DGKB: variants seen among roughly 807,000 people sequenced by gnomAD.
DGKB encodes 90 kDa diacylglycerol kinase.
Under a neutral mutation model 114.3 loss-of-function variants are expected in DGKB, and 67 were observed. The ratio of observed to expected loss-of-function variants is 0.59; its 90% CI spans 0.48 to 0.72. The LOEUF is 0.72. DGKB is among the 30% of genes least tolerant of loss of function. The pLI is 0.00. For missense variants in DGKB, 907 were observed against 975.2 expected, an observed-to-expected ratio of 0.93 and a Z score of 0.93; for synonymous variants, 398 against 323.1, an observed-to-expected ratio of 1.23 and a Z score of -2.49.
chr7:14,703,075 G>A (rs1447919458), intron 6 of DGKB, among the ~76,000 whole-genome samples: 3 of 151,850 alleles, frequency 2.0e-5, no homozygotes, highest in Admixed American at 6.6e-5. Context: ...AATGCAGAAG[G>A]AAACAGCAAC....
In DGKB at chr7:14,158,788, C is replaced by T. The variant is rs557106933; in HGVS notation, c.2305-9550G>A. On this transcript the variant is annotated intron_variant, in intron 25 of 25. Coordinates refer to ENST00000402815, the MANE Select transcript of DGKB (RefSeq NM_001350709.2). ...ATTGTTTTTTCAGGTCCTCCTGTTT[C>T]AAGGTATTGTTTCATCATTTATTCA... Among the ~76,000 whole-genome samples, 7 of 152,208 alleles carry T rather than the reference C, an allele frequency of 4.6e-5. No homozygotes were observed. The South Asian group carries it at 1.5e-3, about 32-fold the overall frequency.
At chr7:14,533,342 C>T (rs1236404994) in intron 20 of DGKB, among the ~76,000 whole-genome samples, 6 of 151,374 alleles carry the variant, frequency 4.0e-5, no homozygotes, top group South Asian at 2.1e-4. Flanking sequence ...TGAAATTCTC[C>T]GATCATAAAA....
chr7:14,882,950 T>C (rs1201141647), intron 1 of DGKB, among the ~76,000 whole-genome samples: 5 of 151,990 alleles, frequency 3.3e-5, no homozygotes, highest in Non-Finnish European at 4.4e-5. Flanking sequence ...TGCAGGTATC[T>C]TTTGACATAT....
chr7:14,814,849 GAA>G (rs1247398148), intron 2 of DGKB, among the ~76,000 whole-genome samples: 4 of 152,092 alleles, frequency 2.6e-5, no homozygotes, highest in African/African-American at 9.7e-5. Context: ...TTGATCAACA[GAA>G]TTATGCTCTT....
intron 2 of DGKB, 37 bp from the exon 3 acceptor site, chr7:14,757,768 C>A: frequency 8.2e-7 from 1 of 1,212,380 alleles, no homozygotes; most frequent in Non-Finnish European, 1.2e-6. Context: ...TGTTTATATG[C>A]ACATACTGTG....
chr7:14,325,445 T>C (rs1808550137), intron 23 of DGKB, among the ~76,000 whole-genome samples: 3 of 152,046 alleles, frequency 2.0e-5, no homozygotes, highest in Admixed American at 2.0e-4. Flanking sequence ...AACAAATGAG[T>C]AGACAAGACA....
chr7:14,545,279 C>G (rs1295031291), intron 20 of DGKB, among the ~76,000 whole-genome samples: 1 of 152,084 alleles, frequency 6.6e-6, no homozygotes, highest in African/African-American at 2.4e-5. Context: ...CCACTGAAGT[C>G]TATATGATGA....
chr7:14,659,158 C>G (rs1376230876), intron 13 of DGKB, among the ~76,000 whole-genome samples: 1 of 151,848 alleles, frequency 6.6e-6, no homozygotes, highest in African/African-American at 2.4e-5. Context: ...TTCTTAAAGG[C>G]TCATCAGATA....
At chr7:14,338,474 G>C in intron 23 of DGKB, 41 bp downstream of exon 23, 1 of 1,324,810 alleles carries the variant, frequency 7.5e-7, no homozygotes, top group Non-Finnish European at 1.0e-6. Context: ...TTTGAAAACA[G>C]GTTAACAAGC....
intron 2 of DGKB, among the ~76,000 whole-genome samples, chr7:14,778,588 T>C (rs1280498414): frequency 6.6e-6 from 1 of 152,114 alleles, no homozygotes; most frequent in Non-Finnish European, 1.5e-5. Flanking sequence ...TTTTAGAAGG[T>C]AAAGAGAAAC....
intron 21 of DGKB, among the ~76,000 whole-genome samples, chr7:14,358,749 T>C (rs894256937): frequency 6.6e-6 from 1 of 152,068 alleles, no homozygotes; most frequent in Non-Finnish European, 1.5e-5. Flanking sequence ...TTACAAGGGA[T>C]GGGAAGGACC....
rs79186109 is a variant in DGKB at position 14,891,590 on chromosome 7, T to C, written c.-188+11002A>G. On this transcript the variant is annotated intron_variant, in intron 1 of 25. Coordinates refer to ENST00000402815, the MANE Select transcript of DGKB (RefSeq NM_001350709.2). ...ATAAAGAGGGACCATGTTATGAAGC[T>C]TTGCGTAAAAGCAAGGGATACAGAG... Among the ~76,000 whole-genome samples the C allele has an allele frequency of 4.6e-3, 701 of 151,624 alleles. 2 individuals carry two copies. Among genetic ancestry groups the C allele is most frequent in the Middle Eastern group, 0.034 (10 of 294 alleles).
chr7:14,930,413 G>C (rs1784955640), intron 1 of DGKB, among the ~76,000 whole-genome samples: 1 of 152,062 alleles, frequency 6.6e-6, no homozygotes, highest in Middle Eastern at 3.4e-3. Context: ...AGTTTTTCTT[G>C]TACAGACCTT....
intron 23 of DGKB, among the ~76,000 whole-genome samples, chr7:14,254,447 A>C (rs2128398103): frequency 6.6e-6 from 1 of 152,320 alleles, no homozygotes; most frequent in Admixed American, 6.5e-5. Flanking sequence ...AAAATGGACC[A>C]CAGAATATAG....
At chr7:14,897,543 C>T (rs1248995484) in intron 1 of DGKB, among the ~76,000 whole-genome samples, 2 of 151,850 alleles carry the variant, frequency 1.3e-5, no homozygotes, top group Non-Finnish European at 2.9e-5. Flanking sequence ...TTTGATGAAC[C>T]ACTTATTCTA....
At chr7:14,836,502 C>G (rs1389670214) in intron 2 of DGKB, among the ~76,000 whole-genome samples, 3 of 152,098 alleles carry the variant, frequency 2.0e-5, no homozygotes, top group Admixed American at 6.6e-5. Flanking sequence ...ATATTGTTAT[C>G]CATGAAAAGC....
intron 13 of DGKB, among the ~76,000 whole-genome samples, chr7:14,655,161 A>G (rs1815504736): frequency 1.3e-5 from 2 of 151,948 alleles, no homozygotes; most frequent in Non-Finnish European, 2.9e-5. Flanking sequence ...CCTAGAATAT[A>G]CAAGGAACTC....
At position 14,546,141 on chromosome 7, in the gene DGKB, A is replaced by G. The variant is rs940146617; in HGVS notation, c.1770+28071T>C. ...ATCTTTGGAGGAAATATTATTTATT[A>G]TGATACTTATGTGATTCACATCACC... is the stretch of plus-strand genomic sequence containing the variant. On this transcript the variant is annotated intron_variant, in intron 20 of 25. Coordinates refer to ENST00000402815, the MANE Select transcript of DGKB (RefSeq NM_001350709.2). Among the ~76,000 whole-genome samples, 4 of 152,218 alleles carry G rather than the reference A, an allele frequency of 2.6e-5. No homozygotes were observed. In the East Asian group the frequency reaches 7.7e-4, roughly 29 times the overall value.
chr7:14,674,390 G>A (rs561646155), intron 12 of DGKB, among the ~76,000 whole-genome samples: 5 of 152,204 alleles, frequency 3.3e-5, no homozygotes, highest in African/African-American at 1.2e-4. Flanking sequence ...AAATTAAAAG[G>A]TATAGTTTCC....
Sources: allele counts gnomAD v4.1 joint callset (sites outside exome capture counted in the v4.1 genomes callset), GRCh38; gene constraint gnomAD v4.1.1; transcripts MANE v1.5; gene names NCBI Gene and HGNC (gene_info 2026-07-23, HGNC 2026-07-21).